ENTPD5: variants seen among roughly 807,000 people sequenced by gnomAD.
ENTPD5 encodes ectonucleoside triphosphate diphosphohydrolase 5 (inactive), also known as nucleoside diphosphate phosphatase ENTPD5.
In ENTPD5, 49 loss-of-function variants were observed where a neutral mutation model predicts 60.2. The ratio of observed to expected loss-of-function variants is 0.81; its 90% CI spans 0.65 to 1.03. The LOEUF (loss-of-function observed/expected upper bound fraction) is 1.03. Ranked by LOEUF, ENTPD5 falls within the 50% of genes least tolerant of loss-of-function variation. The pLI is 0.00. For synonymous variants in ENTPD5, 187 were observed against 185.4 expected, an observed-to-expected ratio of 1.01 and a Z score of -0.07; for missense variants, 480 against 507.6, an observed-to-expected ratio of 0.95 and a Z score of 0.52.
downstream of ENTPD5, chr14:73,959,224 G>A (rs199768730): frequency 1.1e-5 from 17 of 1,614,202 alleles, no homozygotes; most frequent in East Asian, 8.9e-5. Context: ...CTCTGCTCCC[G>A]GTAAGAGGTC....
rs1376410407 is a variant in ENTPD5, at chr14:73,979,500, C to A, written c.442-2126G>T. ...TTTTTTTTTTTTTTTGAGACAGAAT[C>A]TTGCTCTGTCACCCAGGCTGGAGTG... On this transcript the variant is annotated intron_variant, in intron 6 of 15. Coordinates refer to ENST00000334696, the MANE Select transcript of ENTPD5 (RefSeq NM_001249.5). 2.9e-5 allele frequency among the ~76,000 whole-genome samples: 4 copies of A among 139,092 alleles called. No individual in the cohort carries two copies. In the East Asian group the frequency reaches 8.1e-4, roughly 28 times the overall value. The allele number at this position is 139,092 out of a possible 152,430, so 91.2% of individuals were successfully genotyped here. A position where few individuals can be genotyped will look rare whatever the true frequency, so the allele number is the denominator to read the frequency against.
At chr14:73,962,035 C>T, downstream of ENTPD5, 1 of 1,053,126 alleles carries the variant, frequency 9.5e-7, no homozygotes, top group Admixed American at 1.9e-5. Flanking sequence ...GCAGCCTCTG[C>T]CTCCCAGGTT....
intron 3 of ENTPD5, among the ~76,000 whole-genome samples, chr14:74,003,229 T>C (rs1025832093): frequency 1.3e-5 from 2 of 152,226 alleles, no homozygotes; most frequent in Non-Finnish European, 2.9e-5. Context: ...ATTGTCTGTG[T>C]TCCTCTGATA....
At chr14:73,959,131 C>T, downstream of ENTPD5, 1 of 1,614,178 alleles carries the variant, frequency 6.2e-7, no homozygotes, top group Non-Finnish European at 8.5e-7. Flanking sequence ...CTAGGTACTT[C>T]ACAGAGAAAC....
At position 73,970,107 on chromosome 14, in the gene ENTPD5, T is replaced by C; in HGVS notation, c.1103A>G (p.Asn368Ser). 2 of 1,612,922 alleles carry C rather than the reference T, an allele frequency of 1.2e-6. No homozygotes were observed. The highest frequency in any genetic ancestry group is 1.7e-6 in the Non-Finnish European group (2 of 1,179,086). ...CAGGAAAGGACTGCCTGAGGTGAAG[T>C]TTTCCAAGTTATCACACACTGAAAG... Reference protein sequence around the residue: ...KAREVCDNLENFTSGSPFLCM... With the variant: ...KAREVCDNLESFTSGSPFLCM... Residue 368 changes from asparagine (N) to serine (S), a missense_variant, in exon 15 of 16, where the codon AAC becomes AGC. Transcript: ENST00000334696.
At chr14:74,012,359 C>A (rs1260751175) in intron 2 of ENTPD5, among the ~76,000 whole-genome samples, 1 of 152,078 alleles carries the variant, frequency 6.6e-6, no homozygotes, top group Non-Finnish European at 1.5e-5. Flanking sequence ...CACCAGACTT[C>A]GCCTCCTAAA....
At position 73,971,845 on chromosome 14, in the gene ENTPD5, CACTT is replaced by C. The variant is rs1566712221; in HGVS notation, c.1084+3_1084+6del. 1.2e-6 allele frequency: 2 copies of C among 1,602,452 alleles called. No individual in the cohort carries two copies. Among genetic ancestry groups the C allele is most frequent in the Admixed American group, 3.3e-5 (2 of 59,982 alleles). The stretch of plus-strand genomic sequence containing the variant: ...GCTTACCTTCAAGGGCTTCCCCTGA[CACTT>C]ACCTTCCCTGGCTTTTCTTTCAAAA... On this transcript the variant is annotated splice_donor_5th_base_variant and intron_variant, in intron 14 of 15. Coordinates refer to ENST00000334696, the MANE Select transcript of ENTPD5 (RefSeq NM_001249.5).
chr14:73,970,385 G>A (rs775234754), intron 14 of ENTPD5, among the ~76,000 whole-genome samples: 13 of 152,014 alleles, frequency 8.6e-5, no homozygotes, highest in South Asian at 2.1e-4. Context: ...CCAGCTACTC[G>A]GGAGGCTGAG....
chr14:73,974,453 T>C (rs1306452549), intron 11 of ENTPD5, among the ~76,000 whole-genome samples: 3 of 152,350 alleles, frequency 2.0e-5, no homozygotes, highest in Admixed American at 2.0e-4. Flanking sequence ...TCTCATTTAA[T>C]GTGAGGAAAG....
chr14:73,987,279 C>A (rs1471632965), intron 4 of ENTPD5: 1 of 624,326 alleles, frequency 1.6e-6, no homozygotes, highest in African/African-American at 1.8e-5. Context: ...TATTATGGAT[C>A]CCTGGAGTAT....
rs369681731 is a variant in ENTPD5 at position 73,977,080 on chromosome 14, G to A, written c.518-21C>T. 24 of 1,608,626 alleles carry A rather than the reference G, an allele frequency of 1.5e-5. No individual in the cohort carries two copies. In the African/African-American group the frequency reaches 2.8e-4, roughly 19 times the overall value. ...TATGCCTAAAAAGAAAGAAAGACAAGGATTAGATCCCAGAGCATTTTTTCT... is the reference window on the plus strand; with the variant it reads ...TATGCCTAAAAAGAAAGAAAGACAAAGATTAGATCCCAGAGCATTTTTTCT... On this transcript the variant is annotated intron_variant, in intron 7 of 15. Transcript: ENST00000334696.
chr14:73,999,669 G>A (rs1400822805), intron 3 of ENTPD5, among the ~76,000 whole-genome samples: 1 of 152,052 alleles, frequency 6.6e-6, no homozygotes, highest in Non-Finnish European at 1.5e-5. Flanking sequence ...GCGCGTGCCT[G>A]TAATCCCAGC....
intron 1 of ENTPD5, among the ~76,000 whole-genome samples, chr14:74,017,996 G>C (rs1015002910): frequency 6.6e-6 from 1 of 152,078 alleles, no homozygotes; most frequent in African/African-American, 2.4e-5. Context: ...AGCCTGGCCA[G>C]CATGGTGAAA....
At chr14:74,017,596 A>AT (rs2059070760) in intron 1 of ENTPD5, among the ~76,000 whole-genome samples, 1 of 147,442 alleles carries the variant, frequency 6.8e-6, no homozygotes, top group Non-Finnish European at 1.5e-5. Flanking sequence ...AAAAAAAAAA[A>AT]TTTTACAGCC....
chr14:73,988,587 T>G (rs1282510912), intron 3 of ENTPD5, among the ~76,000 whole-genome samples: 3 of 152,222 alleles, frequency 2.0e-5, no homozygotes, highest in Non-Finnish European at 4.4e-5. Context: ...ATAGTCACCC[T>G]ACTGAACTAT....
intron 15 of ENTPD5, among the ~76,000 whole-genome samples, chr14:73,969,679 A>G (rs1226348017): frequency 6.6e-6 from 1 of 151,924 alleles, no homozygotes; most frequent in African/African-American, 2.4e-5. Flanking sequence ...ACTCCAGCCC[A>G]GGAAACAAGA....
downstream of ENTPD5, chr14:73,961,284 G>T (rs147444011): frequency 1.9e-6 from 3 of 1,614,162 alleles, no homozygotes; most frequent in Non-Finnish European, 2.5e-6. Flanking sequence ...GCCCCCAAGC[G>T]TAGCCAGGGT....
At chr14:73,974,770 G>A (rs1206426473) in intron 11 of ENTPD5, among the ~76,000 whole-genome samples, 154 bp downstream of exon 11, 2 of 152,134 alleles carry the variant, frequency 1.3e-5, no homozygotes, top group Non-Finnish European at 1.5e-5. Context: ...AACTAGAAAA[G>A]GAGTTTGCCA....
At chr14:73,958,110 CT>C (rs758359312), downstream of ENTPD5, 1 of 1,573,414 alleles carries the variant, frequency 6.4e-7, no homozygotes, top group African/African-American at 1.4e-5. Flanking sequence ...TGTGGCCCAC[CT>C]TTCTAATTTT....
Sources: allele counts gnomAD v4.1 joint callset (sites outside exome capture counted in the v4.1 genomes callset), GRCh38; gene constraint gnomAD v4.1.1; transcripts MANE v1.5; gene names NCBI Gene and HGNC (gene_info 2026-07-23, HGNC 2026-07-21).